Variants in TUNAR observed in about 807,000 individuals in gnomAD.
The protein encoded by TUNAR is transmembrane neural differentiation associated intracellular calcium regulator.
intron 2 of TUNAR, among the ~76,000 whole-genome samples, chr14:95,899,972 A>G (rs990951851): frequency 9.2e-5 from 14 of 152,230 alleles, no homozygotes; most frequent in African/African-American, 2.2e-4. Flanking sequence ...CTCCTATAGA[A>G]TATTCTGACT....
chr14:95,879,231 A>G (rs893875706), intron 2 of TUNAR, among the ~76,000 whole-genome samples: 1 of 152,200 alleles, frequency 6.6e-6, no homozygotes, highest in African/African-American at 2.4e-5. Flanking sequence ...AGTGTTGCCG[A>G]ATCCCAAATG....
intron 2 of TUNAR, among the ~76,000 whole-genome samples, chr14:95,918,014 G>A (rs371741928): frequency 2.6e-5 from 4 of 152,232 alleles, no homozygotes; most frequent in Non-Finnish European, 4.4e-5. Flanking sequence ...AAATGATTGA[G>A]TGGATAAATG....
At chr14:95,909,477 G>C (rs1347656252) in intron 2 of TUNAR, among the ~76,000 whole-genome samples, 1 of 151,976 alleles carries the variant, frequency 6.6e-6, no homozygotes, top group Non-Finnish European at 1.5e-5. Flanking sequence ...TAGAGACGGG[G>C]TTTCACCGTG....
intron 2 of TUNAR, among the ~76,000 whole-genome samples, chr14:95,892,618 C>T (rs1774654012): frequency 1.3e-5 from 2 of 152,216 alleles, no homozygotes; most frequent in South Asian, 4.1e-4. Flanking sequence ...ACAAGCGTCT[C>T]TAGGGCAGGG....
chr14:95,879,259 CT>C (rs887125244), intron 2 of TUNAR, among the ~76,000 whole-genome samples: 1 of 152,168 alleles, frequency 6.6e-6, no homozygotes, highest in African/African-American at 2.4e-5. Flanking sequence ...CATGTCCCAC[CT>C]TTTTCCCAGA....
At chr14:95,919,800 T>C (rs933934996) in intron 2 of TUNAR, among the ~76,000 whole-genome samples, 2 of 152,176 alleles carry the variant, frequency 1.3e-5, no homozygotes, top group African/African-American at 4.8e-5. Context: ...TGGGCAGATA[T>C]GTGACAAAGC....
chr14:95,913,027 G>C (rs1047050494), intron 2 of TUNAR, among the ~76,000 whole-genome samples: 2 of 151,840 alleles, frequency 1.3e-5, no homozygotes, highest in African/African-American at 2.4e-5. Context: ...TCCTGACCTC[G>C]TGATCCGCCC....
At chr14:95,881,446 A>T (rs1421492568) in intron 2 of TUNAR, among the ~76,000 whole-genome samples, 1 of 152,182 alleles carries the variant, frequency 6.6e-6, no homozygotes, top group African/African-American at 2.4e-5. Context: ...CTCCTCCTGA[A>T]AAAGGGACAC....
At chr14:95,906,274 A>G (rs1595122366) in intron 2 of TUNAR, among the ~76,000 whole-genome samples, 1 of 152,184 alleles carries the variant, frequency 6.6e-6, no homozygotes, top group African/African-American at 2.4e-5. Flanking sequence ...AATGATATGG[A>G]CAGGCACTAA....
At chr14:95,893,571 C>T (rs1889212926) in intron 2 of TUNAR, among the ~76,000 whole-genome samples, 1 of 151,958 alleles carries the variant, frequency 6.6e-6, no homozygotes, top group African/African-American at 2.4e-5. Context: ...CATGGATCCC[C>T]CCCACCCCAC....
chr14:95,888,868 T>C (rs1425583802), intron 2 of TUNAR, among the ~76,000 whole-genome samples: 8 of 152,202 alleles, frequency 5.3e-5, no homozygotes, highest in Admixed American at 5.2e-4. Flanking sequence ...CCAGTACGTT[T>C]GAAGCCACCA....
chr14:95,894,632 CT>C (rs2139659102), intron 2 of TUNAR, among the ~76,000 whole-genome samples: 1 of 150,472 alleles, frequency 6.6e-6, no homozygotes, highest in African/African-American at 2.4e-5. Flanking sequence ...CCATGACCTT[CT>C]GCAGGTGCTG....
chr14:95,884,650 G>A (rs1050150740), intron 2 of TUNAR, among the ~76,000 whole-genome samples: 1 of 152,178 alleles, frequency 6.6e-6, no homozygotes, highest in African/African-American at 2.4e-5. Context: ...TTTCGAGGAA[G>A]TTTCTGGATA....
At chr14:95,917,451 A>C (rs2139671937) in intron 2 of TUNAR, among the ~76,000 whole-genome samples, 1 of 152,308 alleles carries the variant, frequency 6.6e-6, no homozygotes, top group East Asian at 1.9e-4. Flanking sequence ...TTCTTTAGTA[A>C]ACATCTTGGC....
chr14:95,906,862 G>A (rs1012794024), intron 2 of TUNAR, among the ~76,000 whole-genome samples: 1 of 152,066 alleles, frequency 6.6e-6, no homozygotes, highest in Non-Finnish European at 1.5e-5. Context: ...CCCCATCCTC[G>A]CCATCGTGAT....
chr14:95,914,830 CAT>C (rs1007553468), intron 2 of TUNAR, among the ~76,000 whole-genome samples: 92 of 152,332 alleles, frequency 6.0e-4, no homozygotes, highest in African/African-American at 2.0e-3. Context: ...GCCCCAGTCA[CAT>C]AGCTGATAAA....
chr14:95,885,183 T>C (rs1314471984), intron 2 of TUNAR, among the ~76,000 whole-genome samples: 1 of 152,148 alleles, frequency 6.6e-6, no homozygotes, highest in African/African-American at 2.4e-5. Context: ...TGCTTTTGGG[T>C]CTGACATTGC....
chr14:95,915,790 T>C (rs1314073416), intron 2 of TUNAR, among the ~76,000 whole-genome samples: 1 of 152,224 alleles, frequency 6.6e-6, no homozygotes, highest in African/African-American at 2.4e-5. Context: ...TTAAAAACTC[T>C]CAAGTGTGCT....
At chr14:95,882,548 T>A (rs1468826482) in intron 2 of TUNAR, among the ~76,000 whole-genome samples, 1 of 152,218 alleles carries the variant, frequency 6.6e-6, no homozygotes, top group African/African-American at 2.4e-5. Flanking sequence ...CCTTCCTAAG[T>A]CCTTCGTGGT....
Sources: gnomAD v4.1 joint callset for allele counts (sites outside exome capture counted in the v4.1 genomes callset) on GRCh38, gnomAD v4.1.1 for gene constraint, MANE v1.5 for transcripts, NCBI Gene and HGNC (gene_info 2026-07-23, HGNC 2026-07-21) for gene names.